Variants in ZNF407 observed in about 807,000 individuals in gnomAD.
ZNF407 encodes the protein zinc finger protein 407.
ZNF407 carries 17 observed loss-of-function variants against 131.2 expected under a neutral mutation model. The observed-to-expected ratio is 0.13, with a 90% CI of 0.09 to 0.19. The LOEUF (loss-of-function observed/expected upper bound fraction) is 0.19, where lower values mean the gene tolerates loss of function less well. Among genes scored for constraint, ZNF407 ranks in the 10% least tolerant of loss-of-function variants. ZNF407 has a pLI of 1.00. For missense variants in ZNF407, 2,681 were observed against 2,830.6 expected (o/e 0.95, Z 1.20); for synonymous variants, 1,156 against 1,062.0 (o/e 1.09, Z -1.72).
At chr18:74,823,619 C>A (rs1970370882) in intron 4 of ZNF407, among the ~76,000 whole-genome samples, 2 of 152,164 alleles carry the variant, frequency 1.3e-5, no homozygotes, top group African/African-American at 2.4e-5. Context: ...CAAAGAAGGG[C>A]ATTACATAAT....
intron 4 of ZNF407, among the ~76,000 whole-genome samples, chr18:74,863,062 A>G (rs1970959735): frequency 1.3e-5 from 2 of 151,906 alleles, no homozygotes; most frequent in South Asian, 4.2e-4. Flanking sequence ...CTGGGATTAC[A>G]GGCACACACC....
At chr18:74,872,175 G>GC (rs201379076) in intron 4 of ZNF407, among the ~76,000 whole-genome samples, 1,460 of 42,660 alleles carry the variant, frequency 0.034, 22 homozygotes, top group African/African-American at 0.11. Flanking sequence ...CATCCGCCCC[G>GC]CCCCCCTCCA....
At chr18:74,859,314 A>C (rs1599202333) in intron 4 of ZNF407, among the ~76,000 whole-genome samples, 1 of 152,250 alleles carries the variant, frequency 6.6e-6, no homozygotes, top group African/African-American at 2.4e-5. Flanking sequence ...GCTGGTGTCT[A>C]GAAACAAATG....
At chr18:74,622,489 T>TG (rs78437708) in intron 1 of ZNF407, among the ~76,000 whole-genome samples, 127,249 of 152,116 alleles carry the variant, frequency 0.84, 53,483 homozygotes, top group Middle Eastern at 0.9. Flanking sequence ...TCATCACTTC[T>TG]GGATTCGTCC....
intron 3 of ZNF407, among the ~76,000 whole-genome samples, chr18:74,767,944 C>A (rs1431543435): frequency 6.6e-6 from 1 of 151,194 alleles, no homozygotes; most frequent in African/African-American, 2.4e-5. Context: ...GGATTACAGG[C>A]GTGAGCTACT....
chr18:74,701,801 T>G (rs1459764632), intron 3 of ZNF407, among the ~76,000 whole-genome samples: 1 of 152,174 alleles, frequency 6.6e-6, no homozygotes, highest in Admixed American at 6.6e-5. Context: ...CTGTCACCCC[T>G]TCCCCCAACA....
At chr18:74,642,474 T>C (rs1311869094) in intron 3 of ZNF407, among the ~76,000 whole-genome samples, 1 of 152,148 alleles carries the variant, frequency 6.6e-6, no homozygotes, top group Non-Finnish European at 1.5e-5. Flanking sequence ...TTTCTCTCAT[T>C]TCTGAGAAGT....
At chr18:75,034,448 T>C (rs1358598754) in intron 8 of ZNF407, among the ~76,000 whole-genome samples, 1 of 151,706 alleles carries the variant, frequency 6.6e-6, no homozygotes, top group African/African-American at 2.4e-5. Flanking sequence ...GGACTACAGG[T>C]GCGCGCCACC....
At chr18:74,793,661 A>G (rs2145054910) in intron 4 of ZNF407, among the ~76,000 whole-genome samples, 1 of 152,354 alleles carries the variant, frequency 6.6e-6, no homozygotes, top group South Asian at 2.1e-4. Flanking sequence ...AACAATGGTG[A>G]AATAACTTGA....
chr18:74,842,403 C>A (rs1243858395), intron 4 of ZNF407, among the ~76,000 whole-genome samples: 3 of 152,040 alleles, frequency 2.0e-5, no homozygotes, highest in Non-Finnish European at 2.9e-5. Flanking sequence ...CAAAGTATTT[C>A]AAAAATTTTT....
At chr18:74,707,161 G>C (rs187043274) in intron 3 of ZNF407, among the ~76,000 whole-genome samples, 17 of 152,222 alleles carry the variant, frequency 1.1e-4, no homozygotes, top group Admixed American at 1.1e-3. Context: ...ATGTTGGTCA[G>C]GCAGTTCTTG....
At chr18:74,906,390 A>T (rs1391545223) in intron 7 of ZNF407, among the ~76,000 whole-genome samples, 1 of 152,190 alleles carries the variant, frequency 6.6e-6, no homozygotes, top group Non-Finnish European at 1.5e-5. Context: ...ACGTAAGCAC[A>T]TCCACCTCTG....
intron 3 of ZNF407, among the ~76,000 whole-genome samples, chr18:74,767,505 T>G (rs1969262068): frequency 6.6e-6 from 1 of 152,134 alleles, no homozygotes; most frequent in African/African-American, 2.4e-5. Context: ...TTTTGTATAA[T>G]TGTATTTCAT....
intron 1 of ZNF407, among the ~76,000 whole-genome samples, chr18:74,606,375 A>G (rs1225456615): frequency 1.3e-5 from 2 of 152,286 alleles, no homozygotes; most frequent in East Asian, 1.9e-4. Flanking sequence ...TTATGACATA[A>G]TGGAGATACC....
chr18:74,777,133 T>A (rs1969488748), intron 3 of ZNF407, among the ~76,000 whole-genome samples: 1 of 152,146 alleles, frequency 6.6e-6, no homozygotes, highest in Non-Finnish European at 1.5e-5. Context: ...AATTTTGTAG[T>A]GATAAAACCT....
chr18:74,981,659 G>T (rs1406449787), intron 8 of ZNF407, among the ~76,000 whole-genome samples: 1 of 149,746 alleles, frequency 6.7e-6, no homozygotes, highest in African/African-American at 2.4e-5. Flanking sequence ...GGCCCTGGAG[G>T]AGCGCAGGAT....
chr18:74,845,408 T>C (rs1970688658), intron 4 of ZNF407, among the ~76,000 whole-genome samples: 2 of 152,242 alleles, frequency 1.3e-5, no homozygotes, highest in Non-Finnish European at 2.9e-5. Context: ...TGAAACATGA[T>C]TTTCATCTAA....
chr18:74,627,832 C>A (rs1983862146), intron 1 of ZNF407, among the ~76,000 whole-genome samples: 1 of 132,650 alleles, frequency 7.5e-6, no homozygotes, highest in African/African-American at 2.9e-5. Flanking sequence ...CCCTGCCCTG[C>A]CCCGCCCCAC....
intron 3 of ZNF407, among the ~76,000 whole-genome samples, chr18:74,675,772 A>G (rs1299800545): frequency 6.6e-6 from 1 of 152,082 alleles, no homozygotes; most frequent in Non-Finnish European, 1.5e-5. Flanking sequence ...TGGTACTTTT[A>G]CCCTCTTTCC....
Sources: gnomAD v4.1 joint callset for allele counts (sites outside exome capture counted in the v4.1 genomes callset) on GRCh38, gnomAD v4.1.1 for gene constraint, MANE v1.5 for transcripts, NCBI Gene and HGNC (gene_info 2026-07-23, HGNC 2026-07-21) for gene names.